The following DCP1A variants were observed in gnomAD, a reference collection of about 807,000 sequenced individuals.
DCP1A encodes decapping mRNA 1A.
Under a neutral mutation model 58.0 loss-of-function variants are expected in DCP1A, and 20 were observed. The observed-to-expected ratio is 0.34, with a 90% CI of 0.24 to 0.50. The LOEUF is 0.50. Ranked by LOEUF, DCP1A falls within the 20% of genes least tolerant of loss-of-function variation. DCP1A has a pLI of 0.98. For synonymous variants in DCP1A, 285 were observed against 275.1 expected, an observed-to-expected ratio of 1.04 and a Z score of -0.36; for missense variants, 613 against 712.2, an observed-to-expected ratio of 0.86 and a Z score of 1.59.
In DCP1A at chr3:53,333,794, C is replaced by T. The variant is rs114821414; in HGVS notation, c.304+8350G>A. On this transcript the variant is annotated intron_variant, in intron 3 of 9. Transcript: ENST00000610213. ...TATTTTATCTTCTAGGTCACTTATT[C>T]CTTTCATCATTATGTGGTAACTTTT... Among the ~76,000 whole-genome samples, 1,201 of 152,222 alleles carry T rather than the reference C, an allele frequency of 7.9e-3. 9 individuals are homozygous for T. The highest frequency in any genetic ancestry group is 0.013 in the Non-Finnish European group (884 of 67,996).
chr3:53,297,955 T>C (rs1036215660), intron 6 of DCP1A, among the ~76,000 whole-genome samples: 16 of 152,250 alleles, frequency 1.1e-4, no homozygotes, highest in African/African-American at 3.9e-4. Context: ...GAGTGCCTCA[T>C]GCTTATAATC....
At chr3:53,308,152 AT>A (rs1334975409) in intron 5 of DCP1A, among the ~76,000 whole-genome samples, 1 of 152,116 alleles carries the variant, frequency 6.6e-6, no homozygotes, top group African/African-American at 2.4e-5. Flanking sequence ...GAACTATGAT[AT>A]TTTCTTCTTT....
chr3:53,344,039 C>T (rs782345883), intron 2 of DCP1A, among the ~76,000 whole-genome samples: 17 of 152,138 alleles, frequency 1.1e-4, no homozygotes, highest in South Asian at 6.2e-4. Context: ...TGCATTTAGA[C>T]GAGATCTCAA....
Position 53,319,393 on chromosome 3 carries a change from AGTAAT to A in DCP1A, c.371+9_371+13del, listed in dbSNP as rs782802972. 95 of 1,485,118 alleles carry A rather than the reference AGTAAT, an allele frequency of 6.4e-5. No homozygotes were observed. The African/African-American group carries it at 1.2e-3, about 19-fold the overall frequency. 92.0% of individuals were successfully genotyped at this position (1,485,118 alleles called of 1,614,324 possible). A position where few individuals can be genotyped will look rare whatever the true frequency, so the allele number is the denominator to read the frequency against. On this transcript the variant is annotated intron_variant, in intron 4 of 9. Transcript: ENST00000610213. The stretch of plus-strand genomic sequence containing the variant: ...CACATATCATCAGTTAAATTTATGG[AGTAAT>A]ATACTTACTCAGCCATGAGTTTTGC...
chr3:53,308,945 T>C (rs1553688375), intron 5 of DCP1A, among the ~76,000 whole-genome samples: 1 of 151,998 alleles, frequency 6.6e-6, no homozygotes, highest in African/African-American at 2.4e-5. Context: ...AAAAAACTGT[T>C]TTGCAATTAA....
At chr3:53,317,989 T>C (rs887970133) in intron 4 of DCP1A, among the ~76,000 whole-genome samples, 3 of 152,354 alleles carry the variant, frequency 2.0e-5, no homozygotes, top group South Asian at 2.1e-4. Flanking sequence ...TAATTACTTA[T>C]ATATACTTTC....
At chr3:53,344,347 C>G (rs748704920) in intron 2 of DCP1A, among the ~76,000 whole-genome samples, 3 of 152,146 alleles carry the variant, frequency 2.0e-5, no homozygotes, top group Non-Finnish European at 4.4e-5. Flanking sequence ...GCAAACCAAT[C>G]TTAAAGATAA....
intron 5 of DCP1A, among the ~76,000 whole-genome samples, chr3:53,311,475 GA>G (rs1302185580): frequency 6.6e-6 from 1 of 152,070 alleles, no homozygotes; most frequent in African/African-American, 2.4e-5. Context: ...ATAAATTAAC[GA>G]AAGTACCACA....
intron 1 of DCP1A, 25 bp downstream of exon 1, chr3:53,347,358 G>A (rs570718551): frequency 8.5e-6 from 13 of 1,535,034 alleles, no homozygotes; most frequent in Non-Finnish European, 1.1e-5. Flanking sequence ...CCGGGTGGCC[G>A]TCCTCAGGGC....
At position 53,292,799 on chromosome 3, in the gene DCP1A, G is replaced by A. The variant is rs988906652; in HGVS notation, c.653C>T (p.Thr218Met). ...KSAPSGHKHL[T>M]VEELFGTSLP... The stretch of plus-strand genomic sequence containing the variant: ...AGAGGTTCCAAATAACTCTTCTACC[G>A]TCAGATGCTTGTGTCCAGATGGAGC... The change falls in exon 7 of 10, where the codon ACG becomes ATG. Residue 218 changes from threonine (T) to methionine (M), a missense_variant. Transcript: ENST00000610213. The A allele has an allele frequency of 7.5e-6, 12 of 1,609,634 alleles. No homozygotes were observed. Among genetic ancestry groups the A allele is most frequent in the Non-Finnish European group, 1.0e-5 (12 of 1,179,764 alleles).
intron 9 of DCP1A, 37 bp downstream of exon 9, chr3:53,288,028 A>G: frequency 1.3e-6 from 2 of 1,545,968 alleles, no homozygotes; most frequent in Non-Finnish European, 1.8e-6. Flanking sequence ...TTCATTAAAT[A>G]ATGAAAAATC....
intron 7 of DCP1A, among the ~76,000 whole-genome samples, chr3:53,291,750 A>G (rs1162450985): frequency 2.0e-5 from 3 of 152,104 alleles, no homozygotes; most frequent in Non-Finnish European, 4.4e-5. Flanking sequence ...TAGGCACTCT[A>G]GGAGACTGCC....
intron 5 of DCP1A, among the ~76,000 whole-genome samples, chr3:53,311,091 T>C (rs1553688593): frequency 6.6e-6 from 1 of 152,100 alleles, no homozygotes. Context: ...GGAGGAAGAG[T>C]CATGCTAACA....
chr3:53,337,779 A>T (rs2089141486), intron 3 of DCP1A, among the ~76,000 whole-genome samples: 4 of 152,368 alleles, frequency 2.6e-5, no homozygotes, highest in African/African-American at 9.6e-5. Flanking sequence ...ATGTTAGCAC[A>T]TGAGCTCATG....
Position 53,292,673 on chromosome 3 carries a change from A to G in DCP1A, c.779T>C (p.Phe260Ser). 6.2e-7 allele frequency: 1 copy of G among 1,613,724 alleles called. No homozygotes were observed. Among genetic ancestry groups the G allele is most frequent in the Non-Finnish European group, 8.5e-7 (1 of 1,179,808 alleles). ...SQKEPNSFLP[F>S]PFEQLGGAPQ... ...GGCTCCTCCTAACTGCTCAAAGGGA[A>G]ATGGTAGGAATGAATTGGGCTCTTT... is the stretch of plus-strand genomic sequence containing the variant. The change falls in exon 7 of 10, where the codon TTT (phenylalanine) becomes TCT (serine). Residue 260 changes from phenylalanine (F) to serine (S), a missense_variant. By Grantham distance (155) the Phe-to-Ser change is radical. Coordinates refer to ENST00000610213, the MANE Select transcript of DCP1A (RefSeq NM_018403.7).
chr3:53,325,856 T>C (rs1708090714), intron 3 of DCP1A, among the ~76,000 whole-genome samples: 1 of 152,214 alleles, frequency 6.6e-6, no homozygotes, highest in South Asian at 2.1e-4. Context: ...GATTTTGGCA[T>C]GTTACAAACA....
intron 2 of DCP1A, among the ~76,000 whole-genome samples, chr3:53,342,941 C>T (rs1021298081): frequency 3.3e-5 from 5 of 152,152 alleles, no homozygotes; most frequent in African/African-American, 1.2e-4. Context: ...CCCATCATTA[C>T]AATAATGTTT....
intron 5 of DCP1A, among the ~76,000 whole-genome samples, chr3:53,308,736 G>A (rs1327451571): frequency 6.6e-6 from 1 of 151,976 alleles, no homozygotes; most frequent in African/African-American, 2.4e-5. Flanking sequence ...TGGGACTACA[G>A]GTGTGTGCCA....
chr3:53,319,719 C>G (rs57085673), intron 3 of DCP1A, among the ~76,000 whole-genome samples: 1,567 of 152,220 alleles, frequency 0.01, 21 homozygotes, highest in African/African-American at 0.036. Flanking sequence ...TCTCAGTGAA[C>G]CTAAGATGTT....
Sources: gnomAD v4.1 joint callset for allele counts (sites outside exome capture counted in the v4.1 genomes callset) on GRCh38, gnomAD v4.1.1 for gene constraint, MANE v1.5 for transcripts, NCBI Gene and HGNC (gene_info 2026-07-23, HGNC 2026-07-21) for gene names.